RYR2: variants seen among roughly 807,000 people sequenced by gnomAD.
The protein encoded by RYR2 is ryanodine receptor 2.
In RYR2, 227 loss-of-function variants were observed where a neutral mutation model predicts 601.1. The ratio of observed to expected loss-of-function variants is 0.38; its 90% CI spans 0.34 to 0.42. The LOEUF (loss-of-function observed/expected upper bound fraction) is 0.42. RYR2 is among the 10% of genes least tolerant of loss of function. The probability of loss-of-function intolerance (pLI) is 1.00; values close to 1 mark genes in which losing one functional copy is unlikely to be tolerated. For synonymous variants in RYR2, 2,223 were observed against 2,175.1 expected (o/e 1.02, Z -0.61); for missense variants, 4,646 against 6,156.5 (o/e 0.75, Z 8.21).
chr1:237,259,779 T>C (rs1207279249), intron 1 of RYR2, among the ~76,000 whole-genome samples: 1 of 152,150 alleles, frequency 6.6e-6, no homozygotes, highest in African/African-American at 2.4e-5. Flanking sequence ...GAAGGCACCT[T>C]GGAGGATGCC....
chr1:237,065,129 A>G (rs1007175247), intron 1 of RYR2, among the ~76,000 whole-genome samples: 1 of 152,184 alleles, frequency 6.6e-6, no homozygotes, highest in Non-Finnish European at 1.5e-5. Flanking sequence ...AATATAGTAC[A>G]ATATTAAAAG....
intron 57 of RYR2, among the ~76,000 whole-genome samples, chr1:237,667,392 C>T (rs935024548): frequency 1.3e-5 from 2 of 151,992 alleles, no homozygotes; most frequent in Non-Finnish European, 2.9e-5. Flanking sequence ...AGAAAGAATC[C>T]GGGAGGTAAT....
chr1:237,531,318 C>T (rs1043288044), intron 25 of RYR2, among the ~76,000 whole-genome samples: 2 of 152,120 alleles, frequency 1.3e-5, no homozygotes, highest in Non-Finnish European at 2.9e-5. Context: ...CACTTAAGAC[C>T]TCACCTTTCT....
intron 9 of RYR2, among the ~76,000 whole-genome samples, chr1:237,387,748 C>T (rs1455063619): frequency 6.6e-6 from 1 of 152,116 alleles, no homozygotes; most frequent in East Asian, 1.9e-4. Flanking sequence ...ACGAATTTTA[C>T]AAAGGAGCAG....
In RYR2 at chr1:237,709,173, C is replaced by T. The variant is rs1688620264; in HGVS notation, c.10142+75C>T. On this transcript the variant is annotated intron_variant, in intron 69 of 104. Transcript: ENST00000366574. ...CTTGGCTCACATGTCCTTGTTCAATCGCTTCATTCACTATTTTGCCATGAG... is the reference window on the plus strand; with the variant it reads ...CTTGGCTCACATGTCCTTGTTCAATTGCTTCATTCACTATTTTGCCATGAG... 2.3e-6 allele frequency: 3 copies of T among 1,302,598 alleles called. No individual in the cohort carries two copies. The African/African-American group carries it at 4.4e-5, about 19-fold the overall frequency. 80.7% of individuals were successfully genotyped at this position (1,302,598 alleles called of 1,614,324 possible).
chr1:237,275,698 T>C (rs79112027), intron 2 of RYR2, among the ~76,000 whole-genome samples: 5,279 of 152,250 alleles, frequency 0.035, 289 homozygotes, highest in African/African-American at 0.12. Flanking sequence ...GTTGACCTTA[T>C]AGAGATATGT....
intron 2 of RYR2, among the ~76,000 whole-genome samples, chr1:237,301,566 C>A (rs576448833): frequency 9.2e-5 from 14 of 152,236 alleles, no homozygotes; most frequent in African/African-American, 3.1e-4. Flanking sequence ...TTTAAATTTT[C>A]TTCTTTAAGA....
intron 104 of RYR2, 59 bp downstream of exon 104, chr1:237,831,624 A>G (rs1663804177): frequency 2.0e-6 from 2 of 1,011,066 alleles, no homozygotes; most frequent in Non-Finnish European, 1.5e-6. Context: ...TCTAAATATC[A>G]GAACAAAATG....
chr1:237,142,088 G>A (rs1367748745), intron 1 of RYR2, among the ~76,000 whole-genome samples: 1 of 152,202 alleles, frequency 6.6e-6, no homozygotes, highest in African/African-American at 2.4e-5. Context: ...ACCAGGTGGG[G>A]CCCCCATTGC....
intron 1 of RYR2, among the ~76,000 whole-genome samples, chr1:237,094,074 C>T (rs1321829678): frequency 6.6e-6 from 1 of 152,218 alleles, no homozygotes; most frequent in Non-Finnish European, 1.5e-5. Context: ...GGCGAGCTGG[C>T]CTGACTCCCT....
intron 71 of RYR2, among the ~76,000 whole-genome samples, chr1:237,714,961 C>T (rs1022604648): frequency 7.7e-6 from 1 of 130,688 alleles, no homozygotes; most frequent in Non-Finnish European, 1.6e-5. Context: ...CCACTGCACT[C>T]CAGCCTGGTG....
At position 237,500,786 on chromosome 1, in the gene RYR2, A is replaced by C. The variant is rs1371346313; in HGVS notation, c.2279A>C (p.Asp760Ala). ...RTDDVISCCL[D>A]LSAPSISFRI... ...GATGATGTCATCAGTTGCTGTTTAG[A>C]TCTGAGTGCCCCAAGCATCTCGTTC... Residue 760 changes from aspartate to alanine, a missense_variant, in exon 21 of 105, where the codon GAT (aspartate) becomes GCT (alanine). Physicochemically the swap from Asp to Ala is moderately radical, Grantham distance 126. This residue lies in a region of RYR2 where 1,807 missense variants were observed against 2,088.1 expected (regional missense o/e 0.87). Transcript: ENST00000366574. 2 of 1,614,006 alleles carry C rather than the reference A, an allele frequency of 1.2e-6. No individual in the cohort carries two copies. Among genetic ancestry groups the C allele is most frequent in the Non-Finnish European group, 1.7e-6 (2 of 1,179,886 alleles).
chr1:237,119,980 T>C (rs1670596381), intron 1 of RYR2, among the ~76,000 whole-genome samples: 1 of 152,194 alleles, frequency 6.6e-6, no homozygotes, highest in Admixed American at 6.5e-5. Context: ...GGCAAATGTT[T>C]TTGGGTCATG....
At chr1:237,828,972 C>T (rs1663469543) in intron 102 of RYR2, among the ~76,000 whole-genome samples, 1 of 152,184 alleles carries the variant, frequency 6.6e-6, no homozygotes, top group Non-Finnish European at 1.5e-5. Context: ...GGGTACCATT[C>T]ACAGTGGGAC....
At chr1:237,543,685 A>C (rs1226723276) in intron 25 of RYR2, among the ~76,000 whole-genome samples, 2 of 152,184 alleles carry the variant, frequency 1.3e-5, no homozygotes, top group South Asian at 4.1e-4. Context: ...ATATTAAACA[A>C]GTAAGCTTGG....
rs200481704 is a variant in RYR2, at chr1:237,536,702, G to A, written c.2906+6192G>A. Among the ~76,000 whole-genome samples, 60 of 133,452 alleles carry A rather than the reference G, an allele frequency of 4.5e-4. 1 individual carries two copies. The East Asian group carries it at 0.011, about 24-fold the overall frequency. The allele number at this position is 133,452 out of a possible 152,430, so 87.5% of individuals were successfully genotyped here. On this transcript the variant is annotated intron_variant, in intron 25 of 104. Transcript: ENST00000366574. ...TGCACTCCAGCCCGGACGACAGAGC[G>A]AGATTCCGTCTCAAAAAAAAAAAAA... is the stretch of plus-strand genomic sequence containing the variant.
Position 237,147,074 on chromosome 1 carries a change from T to C in RYR2, c.48+104505T>C, listed in dbSNP as rs536662470. Among the ~76,000 whole-genome samples, 4 of 152,270 alleles carry C rather than the reference T, an allele frequency of 2.6e-5. No homozygotes were observed. The Middle Eastern group carries it at 0.01, about 388-fold the overall frequency. On this transcript the variant is annotated intron_variant, in intron 1 of 104. Transcript: ENST00000366574. The stretch of plus-strand genomic sequence containing the variant: ...GCAAACTTCAGGGTCAATCAGACAA[T>C]AGATATCTCATTATCTATTGAAAAT...
chr1:237,680,667 C>T (rs770147950), intron 62 of RYR2, 90 bp downstream of exon 62: 41 of 884,696 alleles, frequency 4.6e-5, no homozygotes, highest in Non-Finnish European at 5.9e-5. Context: ...TGGGGCTGTA[C>T]GGAGAGTATC....
chr1:237,665,882 G>A (rs1005961861), intron 56 of RYR2, among the ~76,000 whole-genome samples: 2 of 152,176 alleles, frequency 1.3e-5, no homozygotes, highest in African/African-American at 2.4e-5. Flanking sequence ...AGGAACCAGA[G>A]CTCATTTCTG....
Sources: allele counts gnomAD v4.1 joint callset (sites outside exome capture counted in the v4.1 genomes callset), GRCh38; gene constraint gnomAD v4.1.1; regional missense constraint gnomAD v4.1.1; transcripts MANE v1.5; gene names NCBI Gene and HGNC (gene_info 2026-07-23, HGNC 2026-07-21).